Variants in NHSL1 observed in about 807,000 individuals in gnomAD.
NHSL1 encodes the protein NHS like 1.
In NHSL1, 48 loss-of-function variants were observed where a neutral mutation model predicts 95.0. The observed-to-expected ratio is 0.51, with a 90% CI of 0.40 to 0.64. The LOEUF (loss-of-function observed/expected upper bound fraction) is 0.64. NHSL1 is among the 30% of genes least tolerant of loss of function. The pLI is 0.00. For synonymous variants in NHSL1, 783 were observed against 833.9 expected (o/e 0.94, Z 1.05); for missense variants, 1,971 against 2,077.7 (o/e 0.95, Z 1.00).
chr6:138,677,782 A>G (rs1271877429), intron 1 of NHSL1, among the ~76,000 whole-genome samples: 1 of 152,162 alleles, frequency 6.6e-6, no homozygotes, highest in Non-Finnish European at 1.5e-5. Context: ...AATCACCTGG[A>G]GGACTCTTTA....
chr6:138,503,833 C>T (rs1030143927), upstream of NHSL1, among the ~76,000 whole-genome samples: 1 of 152,068 alleles, frequency 6.6e-6, no homozygotes, highest in Non-Finnish European at 1.5e-5. Flanking sequence ...ATCTGCTTTG[C>T]CCCCCAAACT....
chr6:138,691,564 C>A (rs928352261), intron 1 of NHSL1, among the ~76,000 whole-genome samples: 1 of 152,254 alleles, frequency 6.6e-6, no homozygotes, highest in East Asian at 1.9e-4. Context: ...ACATCAACAT[C>A]TCCCCTCCCA....
intron 1 of NHSL1, among the ~76,000 whole-genome samples, chr6:138,562,996 G>A (rs1324383177): frequency 1.3e-5 from 2 of 152,168 alleles, no homozygotes; most frequent in Non-Finnish European, 2.9e-5. Context: ...CAGAGTATTT[G>A]CCCTTAAACC....
In NHSL1 at chr6:138,496,235, G is replaced by A; in HGVS notation, c.195C>T (p.Leu65=). The A allele has an allele frequency of 6.4e-7, 1 of 1,551,046 alleles. No homozygotes were observed. The highest frequency in any genetic ancestry group is 8.7e-7 in the Non-Finnish European group (1 of 1,146,778). Residue 65 remains leucine, a synonymous_variant, in exon 2 of 8, where the codon CTC becomes CTT. Transcript: ENST00000343505. ...EDLHRQAKLN[L]KSVLRECDKL... ...CCATCTTACCCCTCAGTACTGATTT[G>A]AGGTTGAGCTTGGCTTGGCGGTGCA...
At chr6:138,618,552 CAG>C (rs1784612195) in intron 1 of NHSL1, among the ~76,000 whole-genome samples, 1 of 152,140 alleles carries the variant, frequency 6.6e-6, no homozygotes, top group Non-Finnish European at 1.5e-5. Flanking sequence ...TTAATATGAC[CAG>C]ACAGATGTAT....
At chr6:138,595,239 C>G (rs897864962) in intron 1 of NHSL1, among the ~76,000 whole-genome samples, 4 of 152,056 alleles carry the variant, frequency 2.6e-5, no homozygotes, top group African/African-American at 9.7e-5. Context: ...CAGTATATGT[C>G]AGGAAAAGGA....
chr6:138,487,069 A>G (rs920210482), intron 2 of NHSL1, among the ~76,000 whole-genome samples: 5 of 152,186 alleles, frequency 3.3e-5, no homozygotes, highest in African/African-American at 4.8e-5. Flanking sequence ...AAAGAAGAAC[A>G]AGACAAGCTA....
intron 5 of NHSL1, among the ~76,000 whole-genome samples, chr6:138,436,822 C>T (rs967484734): frequency 2.0e-5 from 3 of 152,140 alleles, no homozygotes; most frequent in African/African-American, 7.2e-5. Flanking sequence ...ATCCTGGAGT[C>T]CTTAAGAATT....
rs550312615 is a variant in NHSL1 at position 138,680,748 on chromosome 6, C to G, written c.96+11728G>C. On this transcript the variant is annotated intron_variant, in intron 1 of 3. Coordinates refer to the NHSL1 transcript ENST00000491526. ...CCTCCAGCCTCAGCCTCCCAATCAG[C>G]TGGGACCACAGGCGCGAGCCACCAC... 3.9e-5 allele frequency among the ~76,000 whole-genome samples: 6 copies of G among 152,268 alleles called. No homozygotes were observed. In the South Asian group the frequency reaches 1.2e-3, roughly 32 times the overall value.
At position 138,431,778 on chromosome 6, in the gene NHSL1, G is replaced by A. The variant is rs1393177828; in HGVS notation, c.2567C>T (p.Ser856Leu). 9.0e-6 allele frequency: 14 copies of A among 1,551,516 alleles called. No individual in the cohort carries two copies. The highest frequency in any genetic ancestry group is 4.9e-5 in the East Asian group (2 of 40,914). Residue 856 changes from serine to leucine, a missense_variant, in exon 6 of 8, where the codon TCG becomes TTG. By Grantham distance (145) the Ser-to-Leu change is moderately radical (BLOSUM62 -2). Around this residue, in one of 3 missense-constraint regions of NHSL1, gnomAD observed 1,602 missense variants for 1,654.5 expected, o/e 0.97. Coordinates refer to ENST00000343505, the MANE Select transcript of NHSL1 (RefSeq NM_001144060.2). This position sits in a 1 kb window ranked among gnomAD's most constrained non-coding sequence, Gnocchi z 4.0. ...ISPSSGYSSQ[S>L]NTPTALTPVP... ...AGGGGTGAGTGCTGTGGGTGTATTC[G>A]ACTGGCTGGAATACCCACTGGATGG...
At chr6:138,498,490 C>T (rs142728717) in intron 1 of NHSL1, among the ~76,000 whole-genome samples, 197 of 152,312 alleles carry the variant, frequency 1.3e-3, no homozygotes, top group African/African-American at 4.5e-3. Flanking sequence ...ACCAATGCCC[C>T]TACCCATGTT....
At chr6:138,540,472 A>C (rs1467764399) in intron 1 of NHSL1, among the ~76,000 whole-genome samples, 3 of 152,230 alleles carry the variant, frequency 2.0e-5, no homozygotes, top group Non-Finnish European at 4.4e-5. Flanking sequence ...TGAAAAATGC[A>C]CTTGTTTCAG....
intron 2 of NHSL1, among the ~76,000 whole-genome samples, chr6:138,474,939 G>A (rs1263174866): frequency 2.6e-5 from 4 of 152,000 alleles, no homozygotes; most frequent in East Asian, 1.9e-4. Flanking sequence ...ATCTGAGGTC[G>A]GGAATTCAAG....
intron 1 of NHSL1, among the ~76,000 whole-genome samples, chr6:138,555,120 C>A (rs963519172): frequency 6.6e-6 from 1 of 152,190 alleles, no homozygotes. Context: ...CCACAGAGCA[C>A]GGTGCGGCCC....
At chr6:138,663,057 C>A (rs1406914210) in intron 1 of NHSL1, among the ~76,000 whole-genome samples, 2 of 27,228 alleles carry the variant, frequency 7.3e-5, no homozygotes, top group African/African-American at 4.0e-4. Context: ...TCACCGAACT[C>A]ACGGCAAAAA....
At chr6:138,475,888 G>A (rs1779038963) in intron 2 of NHSL1, among the ~76,000 whole-genome samples, 1 of 152,148 alleles carries the variant, frequency 6.6e-6, no homozygotes, top group Non-Finnish European at 1.5e-5. Context: ...GCTTGAACCT[G>A]GGAGGCAGAG....
intron 1 of NHSL1, among the ~76,000 whole-genome samples, chr6:138,550,720 GAATA>G (rs1330992857): frequency 6.6e-6 from 1 of 152,202 alleles, no homozygotes; most frequent in Non-Finnish European, 1.5e-5. Context: ...GTGGGGATGA[GAATA>G]AATTAGAAAT....
chr6:138,572,677 C>T (rs1214711391), upstream of NHSL1: 7 of 152,314 alleles, frequency 4.6e-5, no homozygotes, highest in Non-Finnish European at 8.8e-5. Context: ...AAAACCCCGC[C>T]TCTCCACAGT....
At chr6:138,589,814 C>T (rs921898288) in intron 1 of NHSL1, among the ~76,000 whole-genome samples, 5 of 152,090 alleles carry the variant, frequency 3.3e-5, no homozygotes, top group African/African-American at 4.8e-5. Flanking sequence ...TCCTCTGAGT[C>T]GGCACAGCCC....
Sources: allele counts gnomAD v4.1 joint callset (sites outside exome capture counted in the v4.1 genomes callset), GRCh38; gene constraint gnomAD v4.1.1; regional missense constraint gnomAD v4.1.1; non-coding constraint Gnocchi (gnomAD v3.1); transcripts MANE v1.5; gene names NCBI Gene and HGNC (gene_info 2026-07-23, HGNC 2026-07-21).